The following COL12A1 variants were observed in gnomAD, a reference collection of about 807,000 sequenced individuals.
COL12A1 encodes the protein collagen type XII alpha 1 chain, also known as collagen alpha-1(XII) chain.
Under a neutral mutation model 349.7 loss-of-function variants are expected in COL12A1, and 114 were observed. The observed-to-expected ratio is 0.33, with a 90% CI of 0.28 to 0.38. COL12A1 has a LOEUF of 0.38. COL12A1 is among the 10% of genes least tolerant of loss of function. The pLI is 1.00. For synonymous variants in COL12A1, 1,369 were observed against 1,329.0 expected, an observed-to-expected ratio of 1.03 and a Z score of -0.66; for missense variants, 3,284 against 3,756.9, an observed-to-expected ratio of 0.87 and a Z score of 3.29.
intron 8 of COL12A1, among the ~76,000 whole-genome samples, chr6:75,186,478 G>C (rs546025740): frequency 1.3e-5 from 2 of 152,292 alleles, no homozygotes; most frequent in East Asian, 1.9e-4. Context: ...ACAAATGCTG[G>C]TGAGGTAGTG....
chr6:75,145,491 C>T, intron 24 of COL12A1, 36 bp from the exon 25 acceptor site: 1 of 1,592,494 alleles, frequency 6.3e-7, no homozygotes, highest in Non-Finnish European at 8.6e-7. Flanking sequence ...ATAAGATATT[C>T]AAATCAAACT....
intron 35 of COL12A1, 104 bp from the exon 36 acceptor site, chr6:75,131,085 G>A: frequency 6.9e-7 from 1 of 1,455,334 alleles, no homozygotes; most frequent in Non-Finnish European, 9.5e-7. Context: ...GTTGAGCCCA[G>A]ACACATCAGA....
At chr6:75,197,167 A>C (rs1770269478) in intron 2 of COL12A1, among the ~76,000 whole-genome samples, 1 of 152,228 alleles carries the variant, frequency 6.6e-6, no homozygotes, top group Admixed American at 6.5e-5. Context: ...GACCCGTGTC[A>C]ACATAAATCA....
chr6:75,140,999 A>G (rs935786105), intron 27 of COL12A1, among the ~76,000 whole-genome samples: 10 of 152,188 alleles, frequency 6.6e-5, no homozygotes, highest in Non-Finnish European at 1.5e-5. Context: ...AAAAGGTAAA[A>G]TGTCTCGTTA....
chr6:75,159,898 T>G (rs1767950128), intron 14 of COL12A1, among the ~76,000 whole-genome samples: 1 of 152,082 alleles, frequency 6.6e-6, no homozygotes, highest in Non-Finnish European at 1.5e-5. Flanking sequence ...AATTTAAACA[T>G]GTTAATAACA....
intron 16 of COL12A1, 113 bp downstream of exon 16, chr6:75,155,549 T>C: frequency 9.3e-7 from 1 of 1,077,618 alleles, no homozygotes; most frequent in South Asian, 1.7e-5. Flanking sequence ...AATACTTTGC[T>C]GGCAAACAGA....
intron 12 of COL12A1, among the ~76,000 whole-genome samples, chr6:75,175,758 T>G (rs539138667): frequency 6.6e-6 from 1 of 152,148 alleles, no homozygotes; most frequent in Non-Finnish European, 1.5e-5. Flanking sequence ...AATTCTGATA[T>G]AATAAAAATG....
At position 75,097,256 on chromosome 6, in the gene COL12A1, C is replaced by T. The variant is rs1424387745; in HGVS notation, c.8574G>A (p.Pro2858=). The change falls in exon 59 of 66, where the codon CCG becomes CCA. Residue 2858 remains proline, a synonymous_variant. Transcript: ENST00000322507. ...GAMGPRGPPG[P]PGSPGSPGVT... ...ATGAGACACATTTAGTTCTTACCGG[C>T]GGCCCTGGTGGGCCCCTGGGTCCCA... The T allele has an allele frequency of 6.2e-7, 1 of 1,613,316 alleles. No individual in the cohort carries two copies. Among genetic ancestry groups the T allele is most frequent in the Non-Finnish European group, 8.5e-7 (1 of 1,179,434 alleles).
intron 21 of COL12A1, among the ~76,000 whole-genome samples, chr6:75,150,021 A>G (rs912356916): frequency 6.6e-6 from 1 of 152,146 alleles, no homozygotes; most frequent in Non-Finnish European, 1.5e-5. Context: ...AAAATCTGCA[A>G]AAGTTAGGAG....
chr6:75,103,672 GATCACATACCCCCTTTGTGAAAAT>G, intron 55 of COL12A1, 61 bp downstream of exon 55: 1 of 1,154,406 alleles, frequency 8.7e-7, no homozygotes, highest in South Asian at 1.3e-5. Flanking sequence ...ACTTGCTCAA[GATCACATACCCCCTTTGTGAAAAT>G]TTGAACAACC....
intron 20 of COL12A1, 87 bp from the exon 21 acceptor site, chr6:75,151,374 C>A: frequency 2.3e-6 from 3 of 1,306,618 alleles, no homozygotes; most frequent in South Asian, 2.8e-5. Context: ...TTTCTTAATT[C>A]ATGGCTGCTT....
chr6:75,108,944 C>A (rs1022239777), intron 52 of COL12A1, 74 bp downstream of exon 52: 3 of 1,442,222 alleles, frequency 2.1e-6, no homozygotes, highest in African/African-American at 2.9e-5. Flanking sequence ...AAATAAAACT[C>A]AAGGAGTTGT....
chr6:75,171,856 C>A (rs1314437728), intron 13 of COL12A1, among the ~76,000 whole-genome samples: 1 of 152,198 alleles, frequency 6.6e-6, no homozygotes, highest in East Asian at 1.9e-4. Flanking sequence ...ACATATTTGT[C>A]AAGTTTACCA....
At position 75,154,534 on chromosome 6, in the gene COL12A1, A is replaced by G. The variant is rs1299684313; in HGVS notation, c.3447T>C (p.Ala1149=). 3 of 1,608,948 alleles carry G rather than the reference A, an allele frequency of 1.9e-6. No individual in the cohort carries two copies. Among genetic ancestry groups the G allele is most frequent in the African/African-American group, 2.7e-5 (2 of 74,762 alleles). ...DNTVVLEELR[A]GTTYKVNVFG... ...AAACATTTACTTTATAGGTGGTACC[A>G]GCCCTAAAATGTTAAAGTATATATA... Residue 1149 remains alanine (A), a synonymous_variant, in exon 17 of 66, where the codon GCT becomes GCC. Transcript: ENST00000322507.
At chr6:75,185,543 C>T (rs1201962069) in intron 8 of COL12A1, among the ~76,000 whole-genome samples, 1 of 152,168 alleles carries the variant, frequency 6.6e-6, no homozygotes, top group Non-Finnish European at 1.5e-5. Context: ...GCCATACTGC[C>T]AAAAGCAATC....
rs753747530 is a variant in COL12A1, at chr6:75,191,745, G to C, written c.350C>G (p.Ser117Trp). ...AGGTTTCTTCTCCACTGGCTTTGTC[G>C]AACTACCTGTTTGAACTAAGTTAAA... is the stretch of plus-strand genomic sequence containing the variant. Reference protein sequence around the residue: ...IGQLTIQTGSSTKPVEKKPGK... With the variant: ...IGQLTIQTGSWTKPVEKKPGK... The change falls in exon 5 of 66, where the codon TCG becomes TGG. Residue 117 changes from serine to tryptophan, a missense_variant. Coordinates refer to ENST00000322507, the MANE Select transcript of COL12A1 (RefSeq NM_004370.6). 1 of 1,593,272 alleles carries C rather than the reference G, an allele frequency of 6.3e-7. No homozygotes were observed. The highest frequency in any genetic ancestry group is 1.1e-5 in the South Asian group (1 of 88,114).
At chr6:75,133,543 G>T (rs781235894) in intron 33 of COL12A1, 121 bp from the exon 34 acceptor site, 2 of 989,474 alleles carry the variant, frequency 2.0e-6, no homozygotes, top group Non-Finnish European at 2.9e-6. Context: ...ATATTAGGAT[G>T]TCATAATAAG....
chr6:75,129,186 C>T (rs571284793), intron 37 of COL12A1, among the ~76,000 whole-genome samples: 2 of 152,344 alleles, frequency 1.3e-5, no homozygotes, highest in African/African-American at 4.8e-5. Flanking sequence ...CTTTGGCAAA[C>T]TAACTGTAGT....
Position 75,142,129 on chromosome 6 carries a change from G to C in COL12A1, c.4860C>G (p.Ser1620=). The C allele has an allele frequency of 6.2e-7, 1 of 1,614,106 alleles. No homozygotes were observed. Among genetic ancestry groups the C allele is most frequent in the East Asian group, 2.2e-5 (1 of 44,872 alleles). ...VEVDRSETST[S]LKDLFSQTLY... ...AGGTCTGTGAGAAGAGGTCTTTGAG[G>C]GAAGTGCTGGTCTCTGATCTGTCCA... is the stretch of plus-strand genomic sequence containing the variant. The change falls in exon 27 of 66, where the codon TCC becomes TCG. Residue 1620 remains serine (S), a synonymous_variant. Transcript: ENST00000322507.
Sources: gnomAD v4.1 joint callset for allele counts (sites outside exome capture counted in the v4.1 genomes callset) on GRCh38, gnomAD v4.1.1 for gene constraint, MANE v1.5 for transcripts, NCBI Gene and HGNC (gene_info 2026-07-23, HGNC 2026-07-21) for gene names.